Variants in DPYSL5 observed in about 807,000 individuals in gnomAD.
The protein encoded by DPYSL5 is dihydropyrimidinase-related protein 5.
DPYSL5 carries 9 observed loss-of-function variants against 58.4 expected under a neutral mutation model. The ratio of observed to expected loss-of-function variants is 0.15; its 90% CI spans 0.09 to 0.27. The LOEUF (loss-of-function observed/expected upper bound fraction) is 0.27, where lower values mean the gene tolerates loss of function less well. Among genes scored for constraint, DPYSL5 ranks in the 10% least tolerant of loss-of-function variants. The pLI is 1.00. For missense variants in DPYSL5, 499 were observed against 770.6 expected (o/e 0.65, Z 4.17); for synonymous variants, 293 against 301.9 (o/e 0.97, Z 0.31).
In DPYSL5 at chr2:26,940,527, T is replaced by G. The variant is rs147859505; in HGVS notation, c.1089+355T>G. Among the ~76,000 whole-genome samples the G allele has an allele frequency of 1.1e-3, 174 of 151,896 alleles. 5 individuals are homozygous for G. In the East Asian group the frequency reaches 0.032, roughly 28 times the overall value. On this transcript the variant is annotated intron_variant, in intron 9 of 12. Transcript: ENST00000288699. ...TTTTTTTTTTTTTTTCCTTTTTTAC[T>G]ATGTTGTCCAGACAGGTCTTGAACT...
rs1251526765 is a variant in DPYSL5 at position 26,948,505 on chromosome 2, A to G, written c.*1510A>G. 1 of 152,324 alleles carries G rather than the reference A, an allele frequency of 6.6e-6. No individual in the cohort carries two copies. The highest frequency in any genetic ancestry group is 1.5e-5 in the Non-Finnish European group (1 of 68,148). The allele number at this position is 152,324 out of a possible 1,614,324, so 9.4% of individuals were successfully genotyped here. ...GGTCTGCCCCGTGGGAAGTGACTTC[A>G]TGTTGCACATGTGATTTCAGCCCCC... On this transcript the variant is annotated 3_prime_UTR_variant, in exon 13 of 13. Coordinates refer to ENST00000288699, the MANE Select transcript of DPYSL5 (RefSeq NM_020134.4).
chr2:26,894,371 G>A (rs1663961605), intron 1 of DPYSL5, among the ~76,000 whole-genome samples: 1 of 152,102 alleles, frequency 6.6e-6, no homozygotes, highest in South Asian at 2.1e-4. Context: ...ATGCAAACTC[G>A]CTTATATGCC....
At chr2:26,932,193 A>G (rs867572526) in intron 6 of DPYSL5, among the ~76,000 whole-genome samples, 1 of 72,674 alleles carries the variant, frequency 1.4e-5, no homozygotes, top group African/African-American at 4.8e-5. Flanking sequence ...GAAAGAAAGA[A>G]AGAAAGAAAG....
rs775918938 is a variant in DPYSL5, at chr2:26,933,371, T to C, written c.790+38T>C. 6.3e-7 allele frequency: 1 copy of C among 1,586,238 alleles called. No individual in the cohort carries two copies. The highest frequency in any genetic ancestry group is 1.1e-5 in the South Asian group (1 of 90,482). On this transcript the variant is annotated intron_variant, in intron 7 of 12. Transcript: ENST00000288699. The surrounding 1 kb of genome is among the most constrained non-coding windows in gnomAD (Gnocchi z 4.2). ...ACTTGGCTGGACAGAGCAGGTCAAGTGGAGGGACTGGAGATGGATGGGGCC... is the reference window on the plus strand; with the variant it reads ...ACTTGGCTGGACAGAGCAGGTCAAGCGGAGGGACTGGAGATGGATGGGGCC...
Position 26,858,070 on chromosome 2 carries a change from C to A in DPYSL5, c.-5+9816C>A, listed in dbSNP as rs184799849. ...TGGTTTTTGCCTTATGTGATCCATT[C>A]ACAGCCCAAATTGTTCCTGAGAAAG... On this transcript the variant is annotated intron_variant, in intron 1 of 12. Coordinates refer to ENST00000288699, the MANE Select transcript of DPYSL5 (RefSeq NM_020134.4). 6.6e-5 allele frequency among the ~76,000 whole-genome samples: 10 copies of A among 152,286 alleles called. No homozygotes were observed. The East Asian group carries it at 1.9e-3, about 29-fold the overall frequency.
chr2:26,850,370 C>T (rs1243748999), intron 1 of DPYSL5, among the ~76,000 whole-genome samples: 1 of 152,170 alleles, frequency 6.6e-6, no homozygotes, highest in Non-Finnish European at 1.5e-5. Context: ...TCCACGCACT[C>T]AGCCTCTCGC....
intron 1 of DPYSL5, among the ~76,000 whole-genome samples, chr2:26,896,916 T>C: frequency 6.6e-6 from 1 of 152,220 alleles, no homozygotes; most frequent in Non-Finnish European, 1.5e-5. Context: ...ACTTTTGTTG[T>C]CTGTGCCTAT....
At chr2:26,891,768 G>A (rs1217372881) in intron 1 of DPYSL5, among the ~76,000 whole-genome samples, 1 of 152,074 alleles carries the variant, frequency 6.6e-6, no homozygotes, top group Non-Finnish European at 1.5e-5. Context: ...TGCCTCCTTG[G>A]TTCAAGTAAT....
chr2:26,939,642 G>T (rs7573252), intron 8 of DPYSL5: 3,293 of 182,352 alleles, frequency 0.018, 87 homozygotes, highest in African/African-American at 0.067. Flanking sequence ...GTGAATGCTT[G>T]TTGCCAGCAG....
intron 1 of DPYSL5, among the ~76,000 whole-genome samples, chr2:26,858,726 C>T (rs1665939695): frequency 1.4e-5 from 2 of 141,906 alleles, no homozygotes; most frequent in South Asian, 4.5e-4. Context: ...GATGCCACCA[C>T]ACCCAGCTAT....
rs1278557517 is a variant in DPYSL5 at position 26,877,143 on chromosome 2, T to A, written c.-4-21353T>A. 6.6e-6 allele frequency among the ~76,000 whole-genome samples: 1 copy of A among 151,478 alleles called. No individual in the cohort carries two copies. Among genetic ancestry groups the A allele is most frequent in the East Asian group, 2.0e-4 (1 of 5,114 alleles). ...CACCAAGCCCGGCTAATTTTTGTAT[T>A]TTTAGTAGAAACGGGGTTTCACCAT... is the stretch of plus-strand genomic sequence containing the variant. On this transcript the variant is annotated intron_variant, in intron 1 of 12. Coordinates refer to ENST00000288699, the MANE Select transcript of DPYSL5 (RefSeq NM_020134.4). The surrounding 1 kb of genome is among the most constrained non-coding windows in gnomAD (Gnocchi z 4.1).
At chr2:26,896,507 T>A (rs1000192972) in intron 1 of DPYSL5, among the ~76,000 whole-genome samples, 2 of 152,262 alleles carry the variant, frequency 1.3e-5, no homozygotes, top group Admixed American at 1.3e-4. Flanking sequence ...CCACCAACAG[T>A]GTACAAGAGT....
intron 1 of DPYSL5, among the ~76,000 whole-genome samples, chr2:26,894,977 T>C (rs930339459): frequency 1.5e-4 from 23 of 152,226 alleles, no homozygotes; most frequent in African/African-American, 5.5e-4. Flanking sequence ...AGTTCATTTT[T>C]ATATAAGATT....
chr2:26,873,101 C>A (rs964855172), intron 1 of DPYSL5, among the ~76,000 whole-genome samples: 4 of 152,106 alleles, frequency 2.6e-5, no homozygotes, highest in Non-Finnish European at 5.9e-5. Flanking sequence ...AAATGCAATT[C>A]CTACTATATT....
chr2:26,908,376 C>G (rs1204998253), intron 2 of DPYSL5, among the ~76,000 whole-genome samples: 2 of 152,186 alleles, frequency 1.3e-5, no homozygotes, highest in African/African-American at 4.8e-5. Context: ...GCAGAAATAG[C>G]CAGCAATAAA....
chr2:26,903,816 A>G (rs1572698188), intron 2 of DPYSL5, among the ~76,000 whole-genome samples: 1 of 152,176 alleles, frequency 6.6e-6, no homozygotes, highest in East Asian at 1.9e-4. Flanking sequence ...TGTGCTTGTT[A>G]AGTTCCCTAA....
intron 1 of DPYSL5, among the ~76,000 whole-genome samples, chr2:26,853,359 T>G (rs1201375621): frequency 1.3e-5 from 2 of 152,224 alleles, no homozygotes; most frequent in African/African-American, 4.8e-5. Flanking sequence ...CAGAATTTTG[T>G]GCAACTTGGA....
rs1664069967 is a variant in DPYSL5, at chr2:26,898,428, T to C, written c.-4-68T>C. 1.3e-6 allele frequency: 2 copies of C among 1,570,790 alleles called. No homozygotes were observed. The highest frequency in any genetic ancestry group is 1.7e-5 in the Admixed American group (1 of 57,794). On this transcript the variant is annotated intron_variant, in intron 1 of 12. Coordinates refer to ENST00000288699, the MANE Select transcript of DPYSL5 (RefSeq NM_020134.4). The surrounding 1 kb of genome is among the most constrained non-coding windows in gnomAD (Gnocchi z 6.1). Reference sequence around the variant, plus strand: ...CCTGACCATGGAATTTGGGCTTTGATAGGAGGGATGGGAAACTGGAAACAG... The same window carrying C: ...CCTGACCATGGAATTTGGGCTTTGACAGGAGGGATGGGAAACTGGAAACAG...
intron 2 of DPYSL5, among the ~76,000 whole-genome samples, chr2:26,904,048 G>C (rs534086535): frequency 6.6e-6 from 1 of 152,284 alleles, no homozygotes; most frequent in East Asian, 1.9e-4. Context: ...GTCAACCTGT[G>C]GGGGAAGCCA....
Sources: allele counts gnomAD v4.1 joint callset (sites outside exome capture counted in the v4.1 genomes callset), GRCh38; gene constraint gnomAD v4.1.1; non-coding constraint Gnocchi (gnomAD v3.1); transcripts MANE v1.5; gene names NCBI Gene and HGNC (gene_info 2026-07-23, HGNC 2026-07-21).